Variants in SLX4IP observed in about 807,000 individuals in gnomAD.
The protein encoded by SLX4IP is SLX4 interacting protein, also known as protein SLX4IP.
SLX4IP carries 34 observed loss-of-function variants against 32.9 expected under a neutral mutation model. The ratio of observed to expected loss-of-function variants is 1.03; its 90% confidence interval spans 0.79 to 1.38. SLX4IP has a LOEUF of 1.38. Ranked by LOEUF, SLX4IP falls within the 40% of genes most tolerant of loss-of-function variation. The probability of loss-of-function intolerance (pLI) is 0.00; values close to 1 mark genes in which losing one functional copy is unlikely to be tolerated. For synonymous variants in SLX4IP, 172 were observed against 171.7 expected (o/e 1.00, Z -0.01); for missense variants, 444 against 479.0 (o/e 0.93, Z 0.68).
intron 4 of SLX4IP, among the ~76,000 whole-genome samples, chr20:10,562,063 A>G (rs1040769549): frequency 2.6e-5 from 4 of 152,164 alleles, no homozygotes; most frequent in African/African-American, 7.2e-5. Flanking sequence ...AGCAGCGTCT[A>G]GGGTTGAGTG....
At chr20:10,535,316 C>T (rs535102384) in intron 2 of SLX4IP, among the ~76,000 whole-genome samples, 4 of 152,022 alleles carry the variant, frequency 2.6e-5, no homozygotes, top group South Asian at 2.1e-4. Flanking sequence ...TTGGAAAGAA[C>T]GTGCAGGTTT....
chr20:10,597,712 G>C (rs967675336), intron 4 of SLX4IP, among the ~76,000 whole-genome samples: 3 of 152,176 alleles, frequency 2.0e-5, no homozygotes, highest in African/African-American at 7.2e-5. Flanking sequence ...CTATTGTGAA[G>C]AGTGCTATTG....
At position 10,479,348 on chromosome 20, in the gene SLX4IP, A is replaced by ATTTCTTT. The variant is rs1281019285; in HGVS notation, c.27+21121_27+21127dup. 5.5e-3 allele frequency among the ~76,000 whole-genome samples: 417 copies of ATTTCTTT among 76,114 alleles called. 28 individuals are homozygous for ATTTCTTT. Among genetic ancestry groups the ATTTCTTT allele is most frequent in the Admixed American group, 0.011 (78 of 6,998 alleles). The allele number at this position is 76,114 out of a possible 152,430, so 49.9% of individuals were successfully genotyped here. Reference sequence around the variant, plus strand: ...CATATTCTCATCGCTCAAATTCCATATTTCTTTTTTTTTTTTTTTTTTGAG... The same window carrying ATTTCTTT: ...CATATTCTCATCGCTCAAATTCCATATTTCTTTTTTCTTTTTTTTTTTTTTTTTTGAG... On this transcript the variant is annotated intron_variant, in intron 2 of 7. Transcript: ENST00000334534.
At chr20:10,556,450 T>G in intron 3 of SLX4IP, 130 bp downstream of exon 3, 1 of 923,714 alleles carries the variant, frequency 1.1e-6, no homozygotes, top group South Asian at 1.5e-5. Flanking sequence ...AAAACAATTG[T>G]ATTCCCAATG....
intron 6 of SLX4IP, chr20:10,613,963 C>T (rs1219175294): frequency 1.3e-5 from 15 of 1,167,404 alleles, no homozygotes; most frequent in South Asian, 9.8e-5. Context: ...GGAGAGTCCT[C>T]GTCCACCGTT....
At chr20:10,466,362 C>A (rs141905931) in intron 2 of SLX4IP, among the ~76,000 whole-genome samples, 70 of 152,312 alleles carry the variant, frequency 4.6e-4, no homozygotes, top group Non-Finnish European at 9.3e-4. Flanking sequence ...TCCTCTGCTT[C>A]CTGCATCTGT....
chr20:10,459,327 A>G (rs750826629), intron 2 of SLX4IP, among the ~76,000 whole-genome samples: 2 of 152,086 alleles, frequency 1.3e-5, no homozygotes, highest in Non-Finnish European at 2.9e-5. Flanking sequence ...GTTCACTGTG[A>G]TGATAGTTTC....
At chr20:10,448,434 T>G (rs1047599113) in intron 1 of SLX4IP, among the ~76,000 whole-genome samples, 18 of 152,228 alleles carry the variant, frequency 1.2e-4, no homozygotes, top group African/African-American at 4.3e-4. Flanking sequence ...CACTGTACCA[T>G]GACCCGGTGA....
chr20:10,491,534 C>G (rs1483498889), intron 2 of SLX4IP, among the ~76,000 whole-genome samples: 1 of 152,184 alleles, frequency 6.6e-6, no homozygotes, highest in Non-Finnish European at 1.5e-5. Flanking sequence ...GTTCCAGAAC[C>G]TAACCATCTT....
At chr20:10,460,466 T>G (rs934163296) in intron 2 of SLX4IP, among the ~76,000 whole-genome samples, 2 of 152,238 alleles carry the variant, frequency 1.3e-5, no homozygotes, top group Admixed American at 6.5e-5. Context: ...GCATACTCAG[T>G]GCAGTTGATG....
intron 2 of SLX4IP, among the ~76,000 whole-genome samples, chr20:10,551,204 A>G (rs2066214809): frequency 6.6e-6 from 1 of 152,254 alleles, no homozygotes; most frequent in African/African-American, 2.4e-5. Context: ...GAGATAGGAA[A>G]AATAACCAAC....
In SLX4IP at chr20:10,623,402, G is replaced by T; in HGVS notation, c.*23G>T. On this transcript the variant is annotated 3_prime_UTR_variant, in exon 8 of 8. Transcript: ENST00000334534. The stretch of plus-strand genomic sequence containing the variant: ...TAACACCGAAGAGGTTTGTACCGTT[G>T]GAGTTGAGGACATAGTGGCCAAACC... The T allele has an allele frequency of 6.3e-7, 1 of 1,580,042 alleles. No individual in the cohort carries two copies. The highest frequency in any genetic ancestry group is 8.6e-7 in the Non-Finnish European group (1 of 1,164,920).
chr20:10,474,353 A>G (rs933241771), intron 2 of SLX4IP, among the ~76,000 whole-genome samples: 2 of 152,204 alleles, frequency 1.3e-5, no homozygotes, highest in Non-Finnish European at 1.5e-5. Context: ...TTCAGTCCAA[A>G]ATAATATTGA....
intron 2 of SLX4IP, among the ~76,000 whole-genome samples, chr20:10,526,726 G>A (rs541876339): frequency 6.6e-6 from 1 of 152,284 alleles, no homozygotes; most frequent in South Asian, 2.1e-4. Flanking sequence ...TGAGGTGGGT[G>A]GATCACTTGA....
intron 4 of SLX4IP, among the ~76,000 whole-genome samples, chr20:10,565,147 C>T (rs190522055): frequency 6.6e-6 from 1 of 152,296 alleles, no homozygotes; most frequent in Non-Finnish European, 1.5e-5. Flanking sequence ...CACACCTCTG[C>T]TGCCAGAGTG....
At chr20:10,439,993 T>A (rs1012448371) in intron 1 of SLX4IP, among the ~76,000 whole-genome samples, 1 of 152,232 alleles carries the variant, frequency 6.6e-6, no homozygotes, top group African/African-American at 2.4e-5. Context: ...CGTTTTGTGC[T>A]TGAATAAATC....
intron 2 of SLX4IP, among the ~76,000 whole-genome samples, chr20:10,465,533 T>G (rs2065373569): frequency 6.6e-6 from 1 of 152,246 alleles, no homozygotes; most frequent in African/African-American, 2.4e-5. Context: ...GAGTCTCGCT[T>G]GTTGCTCTGT....
intron 2 of SLX4IP, among the ~76,000 whole-genome samples, chr20:10,532,831 A>G (rs567355633): frequency 6.6e-6 from 1 of 151,376 alleles, no homozygotes; most frequent in Non-Finnish European, 1.5e-5. Context: ...GCTGGAGTGC[A>G]GTAGCGTGAT....
At chr20:10,451,449 C>T (rs957707969) in intron 1 of SLX4IP, among the ~76,000 whole-genome samples, 1 of 152,012 alleles carries the variant, frequency 6.6e-6, no homozygotes, top group East Asian at 1.9e-4. Flanking sequence ...TGTGAACCAC[C>T]GCGCCTGGCC....
Sources: allele counts gnomAD v4.1 joint callset (sites outside exome capture counted in the v4.1 genomes callset), GRCh38; gene constraint gnomAD v4.1.1; transcripts MANE v1.5; gene names NCBI Gene and HGNC (gene_info 2026-07-23, HGNC 2026-07-21).